SORL1: variants seen among roughly 807,000 people sequenced by gnomAD.
SORL1 encodes sortilin-related receptor.
A neutral mutation model predicts 273.7 loss-of-function variants in SORL1; 127 were observed. That is an observed-to-expected ratio of 0.46 (90% confidence interval 0.40 to 0.54). The LOEUF (loss-of-function observed/expected upper bound fraction) is 0.54, where lower values mean the gene tolerates loss of function less well. Ranked by LOEUF, SORL1 falls within the 20% of genes least tolerant of loss-of-function variation. The pLI, the probability that SORL1 is intolerant of heterozygous loss-of-function variation, is 0.00. For synonymous variants in SORL1, 1,031 were observed against 1,067.4 expected (o/e 0.97, Z 0.66); for missense variants, 2,494 against 2,846.1 (o/e 0.88, Z 2.81).
At chr11:121,523,898 C>T (rs1179703215) in intron 11 of SORL1, among the ~76,000 whole-genome samples, 1 of 152,170 alleles carries the variant, frequency 6.6e-6, no homozygotes, top group Non-Finnish European at 1.5e-5. Flanking sequence ...ACCATGCTCA[C>T]CTTGATATTT....
At chr11:121,613,442 C>G (rs943979730) in intron 40 of SORL1, among the ~76,000 whole-genome samples, 1 of 152,216 alleles carries the variant, frequency 6.6e-6, no homozygotes, top group African/African-American at 2.4e-5. Flanking sequence ...GAGCTTCTTC[C>G]TGTCTCCTCC....
At chr11:121,494,767 A>G (rs909991946) in intron 5 of SORL1, among the ~76,000 whole-genome samples, 3 of 152,196 alleles carry the variant, frequency 2.0e-5, no homozygotes, top group African/African-American at 4.8e-5. Flanking sequence ...GCTTTTGGCT[A>G]GGAAGGAATA....
chr11:121,536,507 C>T (rs1862269526), intron 12 of SORL1, among the ~76,000 whole-genome samples: 1 of 149,134 alleles, frequency 6.7e-6, no homozygotes, highest in Admixed American at 6.7e-5. Flanking sequence ...CTCAAGCGGT[C>T]CTCCCATCTC....
chr11:121,477,957 G>A (rs777263836), intron 2 of SORL1, among the ~76,000 whole-genome samples, 161 bp from the exon 3 acceptor site: 4 of 151,078 alleles, frequency 2.6e-5, no homozygotes, highest in African/African-American at 4.9e-5. Flanking sequence ...GCTTGAACCC[G>A]GGAGGCAGAG....
intron 45 of SORL1, among the ~76,000 whole-genome samples, chr11:121,623,583 AT>A (rs1410375372): frequency 6.6e-6 from 1 of 152,196 alleles, no homozygotes; most frequent in East Asian, 1.9e-4. Flanking sequence ...ACCTTTGTGT[AT>A]TTTACAAATG....
intron 22 of SORL1, 139 bp from the exon 23 acceptor site, chr11:121,570,018 G>T (rs1366764232): frequency 3.9e-6 from 2 of 517,098 alleles, no homozygotes; most frequent in African/African-American, 1.9e-5. Flanking sequence ...AAATATCGGG[G>T]GTGAATTTCA....
intron 12 of SORL1, among the ~76,000 whole-genome samples, 185 bp from the exon 13 acceptor site, chr11:121,543,363 C>T (rs980688771): frequency 1.3e-5 from 2 of 152,050 alleles, no homozygotes; most frequent in African/African-American, 4.8e-5. Flanking sequence ...CAGGCTGGTT[C>T]CTGTGTTCTT....
intron 39 of SORL1, 73 bp from the exon 40 acceptor site, chr11:121,612,663 T>G: frequency 9.0e-7 from 1 of 1,116,802 alleles, no homozygotes; most frequent in East Asian, 2.4e-5. Context: ...AGGTGTATTT[T>G]TAATCCTGCC....
chr11:121,511,194 T>C (rs1450665036), intron 6 of SORL1, among the ~76,000 whole-genome samples: 1 of 152,146 alleles, frequency 6.6e-6, no homozygotes, highest in East Asian at 1.9e-4. Context: ...TTTTTTTTGA[T>C]GATTGTAGTA....
At chr11:121,509,067 C>A (rs1039830398) in intron 6 of SORL1, among the ~76,000 whole-genome samples, 1 of 152,072 alleles carries the variant, frequency 6.6e-6, no homozygotes, top group Non-Finnish European at 1.5e-5. Flanking sequence ...CTTTTTTTTC[C>A]CCCTGGAATA....
chr11:121,588,445 G>A (rs1038313612), intron 28 of SORL1, among the ~76,000 whole-genome samples: 5 of 152,126 alleles, frequency 3.3e-5, no homozygotes, highest in African/African-American at 1.2e-4. Flanking sequence ...CTCAAGGGTC[G>A]CTGAAAGTGA....
At position 121,604,911 on chromosome 11, in the gene SORL1, A is replaced by G. The variant is rs115064612; in HGVS notation, c.4652-202A>G. ...TAAAAGCAGGAGTCCTTTGAAATCT[A>G]AGGATTTGTAAGATGTAACTTTTTT... On this transcript the variant is annotated intron_variant, in intron 33 of 47. Coordinates refer to ENST00000260197, the MANE Select transcript of SORL1 (RefSeq NM_003105.6). Among the ~76,000 whole-genome samples, 145 of 152,208 alleles carry G rather than the reference A, an allele frequency of 9.5e-4. 1 individual carries two copies. Among genetic ancestry groups the G allele is most frequent in the African/African-American group, 3.3e-3 (135 of 41,520 alleles).
At chr11:121,505,832 G>T (rs1199462424) in intron 6 of SORL1, among the ~76,000 whole-genome samples, 3 of 152,022 alleles carry the variant, frequency 2.0e-5, no homozygotes, top group Non-Finnish European at 4.4e-5. Context: ...AAATGTATTG[G>T]GGCCTATTTT....
At position 121,514,340 on chromosome 11, in the gene SORL1, C is replaced by A; in HGVS notation, c.1211+19C>A. The A allele has an allele frequency of 6.3e-7, 1 of 1,598,554 alleles. No homozygotes were observed. On this transcript the variant is annotated intron_variant, in intron 8 of 47. Transcript: ENST00000260197. ...TGGTGAGGTAAGGAGACTGTGAGTC[C>A]TTCTCCTGCCTTCTTAGGCCAACAC...
chr11:121,458,121 C>A (rs1452475625), intron 1 of SORL1, among the ~76,000 whole-genome samples: 2 of 152,226 alleles, frequency 1.3e-5, no homozygotes, highest in Non-Finnish European at 2.9e-5. Flanking sequence ...AGCAGGTAAT[C>A]CAAAAAATAA....
intron 21 of SORL1, 136 bp downstream of exon 21, chr11:121,559,793 C>G: frequency 1.4e-6 from 1 of 701,610 alleles, no homozygotes; most frequent in Non-Finnish European, 2.3e-6. Flanking sequence ...TATTTAATTT[C>G]TTCCTAATGA....
intron 26 of SORL1, among the ~76,000 whole-genome samples, chr11:121,584,423 A>C (rs942886270): frequency 1.3e-5 from 2 of 152,208 alleles, no homozygotes; most frequent in African/African-American, 2.4e-5. Context: ...TTCTCCAAAT[A>C]GTGGTGCTTG....
intron 3 of SORL1, among the ~76,000 whole-genome samples, chr11:121,482,186 C>T (rs1234869635): frequency 6.6e-6 from 1 of 152,120 alleles, no homozygotes; most frequent in Non-Finnish European, 1.5e-5. Context: ...TTTGGAAGCA[C>T]TGGATCTGGA....
chr11:121,627,681 G>A lies in SORL1; in HGVS notation c.6491G>A (p.Arg2164Lys). ...GFAILYTKHR[R>K]LQSSFTAFAN... ...GCCATCCTGTACACGAAGCACCGGAGGCTGCAGAGCAGCTTCACCGCCTTC... is the reference window on the plus strand; with the variant it reads ...GCCATCCTGTACACGAAGCACCGGAAGCTGCAGAGCAGCTTCACCGCCTTC... Residue 2164 changes from arginine (R) to lysine (K), a missense_variant, in exon 47 of 48, where the codon AGG becomes AAG. Around this residue, in one of 3 missense-constraint regions of SORL1, gnomAD observed 1,609 missense variants for 1,816.4 expected, o/e 0.89. Transcript: ENST00000260197. This position sits in a 1 kb window ranked among gnomAD's most constrained non-coding sequence, Gnocchi z 4.9. 6.2e-7 allele frequency: 1 copy of A among 1,614,188 alleles called. No individual in the cohort carries two copies. Among genetic ancestry groups the A allele is most frequent in the Middle Eastern group, 1.6e-4 (1 of 6,062 alleles).
Sources: allele counts gnomAD v4.1 joint callset (sites outside exome capture counted in the v4.1 genomes callset), GRCh38; gene constraint gnomAD v4.1.1; regional missense constraint gnomAD v4.1.1; non-coding constraint Gnocchi (gnomAD v3.1); transcripts MANE v1.5; gene names NCBI Gene and HGNC (gene_info 2026-07-23, HGNC 2026-07-21).